Variants in RTCB observed in about 807,000 individuals in gnomAD.
The protein encoded by RTCB is RNA-splicing ligase RTCB.
A neutral mutation model predicts 58.2 loss-of-function variants in RTCB; 32 were observed. The observed-to-expected ratio is 0.55, with a 90% CI of 0.41 to 0.74. The LOEUF is 0.74. RTCB is among the 30% of genes least tolerant of loss of function. RTCB has a pLI of 0.00. For missense variants in RTCB, 523 were observed against 639.0 expected (o/e 0.82, Z 1.96); for synonymous variants, 247 against 218.6 (o/e 1.13, Z -1.15).
At chr22:32,397,796 G>A (rs1933270572) in intron 7 of RTCB, 145 bp downstream of exon 7, 2 of 646,522 alleles carry the variant, frequency 3.1e-6, no homozygotes, top group Admixed American at 3.6e-5. Flanking sequence ...AGACAAGAAA[G>A]TTATGGCCCA....
intron 4 of RTCB, among the ~76,000 whole-genome samples, chr22:32,404,934 G>A (rs747605489): frequency 6.6e-6 from 1 of 151,608 alleles, no homozygotes; most frequent in African/African-American, 2.4e-5. Context: ...CCATCCGCCC[G>A]CCTTGGCCTC....
chr22:32,401,693 G>C, intron 5 of RTCB, 54 bp downstream of exon 5: 1 of 1,575,156 alleles, frequency 6.3e-7, no homozygotes, highest in Non-Finnish European at 8.7e-7. Context: ...GGAAGCTGAA[G>C]GTCATGTGGT....
intron 8 of RTCB, 103 bp from the exon 9 acceptor site, chr22:32,395,317 G>A: frequency 2.1e-6 from 2 of 971,896 alleles, no homozygotes; most frequent in South Asian, 1.8e-5. Flanking sequence ...TCTGAAGGGA[G>A]TAAAAGATTT....
At chr22:32,391,690 C>T (rs575293933) in intron 11 of RTCB, among the ~76,000 whole-genome samples, 65 of 152,114 alleles carry the variant, frequency 4.3e-4, no homozygotes, top group African/African-American at 1.3e-3. Flanking sequence ...CACGCCCGGC[C>T]GACAATAATA....
chr22:32,411,475 A>C (rs1000743635), intron 1 of RTCB, among the ~76,000 whole-genome samples: 1 of 152,148 alleles, frequency 6.6e-6, no homozygotes, highest in Non-Finnish European at 1.5e-5. Context: ...AGGTGGGTAG[A>C]GGAAGCTATG....
intron 9 of RTCB, among the ~76,000 whole-genome samples, chr22:32,394,609 G>C (rs949024541): frequency 6.6e-6 from 1 of 152,124 alleles, no homozygotes; most frequent in Non-Finnish European, 1.5e-5. Context: ...CCTGAGCAAG[G>C]TGCTTGTCTT....
intron 11 of RTCB, among the ~76,000 whole-genome samples, chr22:32,389,395 A>G (rs1933114411): frequency 6.6e-6 from 1 of 151,840 alleles, no homozygotes; most frequent in African/African-American, 2.4e-5. Context: ...CTCTCCTTTT[A>G]TTTTTTTACT....
rs767786603 is a variant in RTCB at position 32,396,178 on chromosome 22, C to A, written c.886G>T (p.Ala296Ser). Residue 296 changes from alanine (A) to serine (S), a missense_variant, in exon 8 of 12, where the codon GCT becomes TCT. By Grantham distance (99) the Ala-to-Ser change is moderately conservative. Around this residue, in one of 3 missense-constraint regions of RTCB, gnomAD observed 248 missense variants for 292.5 expected, o/e 0.85. Coordinates refer to ENST00000216038, the MANE Select transcript of RTCB (RefSeq NM_014306.5). The part of the protein sequence containing the change: ...IIVNDRQLAC[A>S]RIASPEGQDY... ...TGACCCTCTGGGGAAGCGATTCGAG[C>A]ACAAGCCAACTGCCGATCATTGACT... The A allele has an allele frequency of 1.9e-6, 3 of 1,614,192 alleles. No individual in the cohort carries two copies. The highest frequency in any genetic ancestry group is 1.6e-4 in the Middle Eastern group (1 of 6,062).
chr22:32,408,874 C>G, intron 1 of RTCB, 41 bp from the exon 2 acceptor site: 1 of 1,422,684 alleles, frequency 7.0e-7, no homozygotes, highest in Non-Finnish European at 9.9e-7. Context: ...TGAGTACATG[C>G]GCGGCAAGTG....
In RTCB at chr22:32,399,781, T is replaced by C. The variant is rs772063183; in HGVS notation, c.498-22A>G. The C allele has an allele frequency of 5.6e-6, 9 of 1,602,870 alleles. No individual in the cohort carries two copies. In the Admixed American group the frequency reaches 1.5e-4, roughly 27 times the overall value. On this transcript the variant is annotated intron_variant, in intron 5 of 11. Coordinates refer to ENST00000216038, the MANE Select transcript of RTCB (RefSeq NM_014306.5). Reference sequence around the variant, plus strand: ...GTCTCTGGATAAGTATAAAAGGTGCTAGTCATCTCACAGCAAAGGCAGATC... The same window carrying C: ...GTCTCTGGATAAGTATAAAAGGTGCCAGTCATCTCACAGCAAAGGCAGATC...
intron 4 of RTCB, among the ~76,000 whole-genome samples, chr22:32,403,265 G>A (rs1431937692): frequency 6.6e-6 from 1 of 152,064 alleles, no homozygotes; most frequent in Admixed American, 6.5e-5. Context: ...AAATTAGCGG[G>A]GTATGGTGGC....
intron 4 of RTCB, among the ~76,000 whole-genome samples, chr22:32,405,746 G>A (rs1332491019): frequency 6.6e-6 from 1 of 152,040 alleles, no homozygotes; most frequent in Non-Finnish European, 1.5e-5. Flanking sequence ...TTTCAGCAGG[G>A]GATTGGTCTG....
intron 7 of RTCB, 115 bp downstream of exon 7, chr22:32,397,826 T>G: frequency 1.1e-6 from 1 of 908,088 alleles, no homozygotes. Context: ...TCCAAGTTAT[T>G]TAATTGTTGA....
At chr22:32,391,453 T>A (rs1300965063) in intron 11 of RTCB, among the ~76,000 whole-genome samples, 1 of 151,274 alleles carries the variant, frequency 6.6e-6, no homozygotes, top group East Asian at 1.9e-4. Flanking sequence ...TGGAGTGCAG[T>A]GGCATGATCT....
At chr22:32,394,110 A>C in intron 9 of RTCB, 108 bp from the exon 10 acceptor site, 2 of 655,652 alleles carry the variant, frequency 3.1e-6, no homozygotes, top group Non-Finnish European at 5.1e-6. Flanking sequence ...AGAAACCCAG[A>C]CTTCTTTTTT....
chr22:32,390,947 C>T (rs772767060), intron 11 of RTCB, among the ~76,000 whole-genome samples: 1 of 152,056 alleles, frequency 6.6e-6, no homozygotes, highest in African/African-American at 2.4e-5. Flanking sequence ...AGGTCCTGGG[C>T]TCAAGCAATC....
At chr22:32,405,407 T>C (rs1933402802) in intron 4 of RTCB, among the ~76,000 whole-genome samples, 1 of 152,190 alleles carries the variant, frequency 6.6e-6, no homozygotes, top group Non-Finnish European at 1.5e-5. Flanking sequence ...TGTGGTCAGT[T>C]TTGGTAAACT....
chr22:32,397,627 C>T (rs941539870), intron 7 of RTCB, among the ~76,000 whole-genome samples: 3 of 152,196 alleles, frequency 2.0e-5, no homozygotes, highest in African/African-American at 7.2e-5. Flanking sequence ...ACATTTCTTG[C>T]TCTTTCTTGG....
At chr22:32,404,230 C>T (rs1222337438) in intron 4 of RTCB, among the ~76,000 whole-genome samples, 2 of 152,176 alleles carry the variant, frequency 1.3e-5, no homozygotes, top group Admixed American at 1.3e-4. Flanking sequence ...TTTGAGGAAT[C>T]TCCATACTGT....
Sources: allele counts gnomAD v4.1 joint callset (sites outside exome capture counted in the v4.1 genomes callset), GRCh38; gene constraint gnomAD v4.1.1; regional missense constraint gnomAD v4.1.1; transcripts MANE v1.5; gene names NCBI Gene and HGNC (gene_info 2026-07-23, HGNC 2026-07-21).